The following CD2AP variants were observed in gnomAD, a reference collection of about 807,000 sequenced individuals.
CD2AP encodes CD2-associated protein.
A neutral mutation model predicts 85.1 loss-of-function variants in CD2AP; 46 were observed. The observed-to-expected ratio is 0.54, with a 90% CI of 0.43 to 0.69. CD2AP has a LOEUF of 0.69. CD2AP is among the 30% of genes least tolerant of loss of function. The pLI, the probability that CD2AP is intolerant of heterozygous loss-of-function variation, is 0.00. For missense variants in CD2AP, 769 were observed against 729.5 expected, an observed-to-expected ratio of 1.05 and a Z score of -0.62; for synonymous variants, 255 against 252.9, an observed-to-expected ratio of 1.01 and a Z score of -0.08.
At chr6:47,523,920 G>T (rs1366426365) in intron 2 of CD2AP, among the ~76,000 whole-genome samples, 1 of 152,126 alleles carries the variant, frequency 6.6e-6, no homozygotes, top group Non-Finnish European at 1.5e-5. Flanking sequence ...ATTGTGAAAA[G>T]TACCTTTCTT....
intron 4 of CD2AP, among the ~76,000 whole-genome samples, chr6:47,548,575 A>C (rs1416864287): frequency 6.6e-6 from 1 of 152,140 alleles, no homozygotes; most frequent in Admixed American, 6.6e-5. Flanking sequence ...ATTACCAACA[A>C]CAACAAAAAA....
intron 1 of CD2AP, among the ~76,000 whole-genome samples, chr6:47,487,100 G>A (rs922592720): frequency 4.6e-5 from 7 of 152,158 alleles, no homozygotes; most frequent in Non-Finnish European, 1.0e-4. Flanking sequence ...GACTGTTTTG[G>A]TGTATGTGTG....
At chr6:47,562,872 A>G in intron 5 of CD2AP, 3 of 786,066 alleles carry the variant, frequency 3.8e-6, no homozygotes, top group Non-Finnish European at 6.8e-6. Flanking sequence ...ACAACAAGCA[A>G]CTGTAGGGGA....
At chr6:47,585,321 G>A (rs151252450) in intron 11 of CD2AP, among the ~76,000 whole-genome samples, 925 of 151,906 alleles carry the variant, frequency 6.1e-3, no homozygotes, top group Non-Finnish European at 0.011. Context: ...AAAAAGGAAG[G>A]TGATGCATTT....
Position 47,612,533 on chromosome 6 carries a change from A to G in CD2AP, c.1875A>G (p.Leu625=), listed in dbSNP as rs200255765. 8.7e-6 allele frequency: 14 copies of G among 1,602,282 alleles called. No individual in the cohort carries two copies. In the East Asian group the frequency reaches 3.1e-4, roughly 36 times the overall value. ...AAGAGAAGACAATGAGAAGTAATCT[A>G]GAGGTAATTAATTTCTTCCAGCATT... is the stretch of plus-strand genomic sequence containing the variant. ...LEEEKTMRSN[L]EMEIEKLKKA... is the part of the protein sequence containing the mutation. Residue 625 remains leucine, a synonymous_variant, in exon 17 of 18, where the codon CTA becomes CTG. Transcript: ENST00000359314.
intron 4 of CD2AP, among the ~76,000 whole-genome samples, chr6:47,553,351 G>GT (rs1164649256): frequency 0.042 from 5,830 of 140,472 alleles, 344 homozygotes; most frequent in African/African-American, 0.13. Context: ...TTTAAATTTT[G>GT]TTTTTTTTTT....
intron 5 of CD2AP, chr6:47,562,907 CAGAG>C (rs755054021): frequency 1.5e-6 from 1 of 671,290 alleles, no homozygotes; most frequent in South Asian, 1.7e-5. Flanking sequence ...GTAAAATTGA[CAGAG>C]AGAGAAAACC....
At chr6:47,606,731 T>G (rs1319555008) in intron 14 of CD2AP, among the ~76,000 whole-genome samples, 4 of 152,104 alleles carry the variant, frequency 2.6e-5, no homozygotes, top group Admixed American at 6.6e-5. Flanking sequence ...ATGTGAGATA[T>G]TTTGATACAG....
At chr6:47,559,587 A>C (rs1767796293) in intron 5 of CD2AP, among the ~76,000 whole-genome samples, 1 of 152,140 alleles carries the variant, frequency 6.6e-6, no homozygotes, top group South Asian at 2.1e-4. Context: ...AAGTCAGATA[A>C]TATTTTAAAA....
At chr6:47,493,749 T>C (rs1052338212) in intron 1 of CD2AP, among the ~76,000 whole-genome samples, 1 of 152,152 alleles carries the variant, frequency 6.6e-6, no homozygotes, top group Non-Finnish European at 1.5e-5. Context: ...TTTTTTTGTT[T>C]TTTATAATTC....
intron 1 of CD2AP, among the ~76,000 whole-genome samples, chr6:47,481,237 C>T (rs1189089593): frequency 6.6e-6 from 1 of 152,158 alleles, no homozygotes; most frequent in Non-Finnish European, 1.5e-5. Flanking sequence ...AAGCAGACTT[C>T]TAAGGGCAGA....
At chr6:47,589,659 G>C (rs542221644) in intron 11 of CD2AP, among the ~76,000 whole-genome samples, 1 of 151,162 alleles carries the variant, frequency 6.6e-6, no homozygotes, top group African/African-American at 2.4e-5. Flanking sequence ...AGGGGAAGAG[G>C]AGAGCCCAGT....
chr6:47,491,901 A>T (rs949388036), intron 1 of CD2AP, among the ~76,000 whole-genome samples: 1 of 152,088 alleles, frequency 6.6e-6, no homozygotes, highest in Non-Finnish European at 1.5e-5. Flanking sequence ...AGTTAAGCAA[A>T]ACTTTTTTCT....
At chr6:47,583,840 A>G (rs1409672106) in intron 11 of CD2AP, among the ~76,000 whole-genome samples, 6 of 152,218 alleles carry the variant, frequency 3.9e-5, no homozygotes, top group East Asian at 1.9e-4. Context: ...GCAACTGCCA[A>G]ACTTCTTCCA....
At chr6:47,556,849 A>T (rs1250257928) in intron 5 of CD2AP, among the ~76,000 whole-genome samples, 1 of 152,170 alleles carries the variant, frequency 6.6e-6, no homozygotes, top group African/African-American at 2.4e-5. Context: ...CAGTAATAGG[A>T]TTGCTGGGTC....
At chr6:47,482,242 CTCA>C (rs1765464352) in intron 1 of CD2AP, among the ~76,000 whole-genome samples, 1 of 152,042 alleles carries the variant, frequency 6.6e-6, no homozygotes, top group African/African-American at 2.4e-5. Flanking sequence ...TATTTAAGTA[CTCA>C]TCAGATATTT....
intron 11 of CD2AP, among the ~76,000 whole-genome samples, chr6:47,589,389 C>CACACACACACAT (rs1768714458): frequency 6.6e-6 from 1 of 151,366 alleles, no homozygotes; most frequent in African/African-American, 2.4e-5. Context: ...TACACACACA[C>CACACACACACAT]ACACAAATGT....
chr6:47,543,896 A>G (rs1415850618), intron 3 of CD2AP, among the ~76,000 whole-genome samples: 1 of 152,210 alleles, frequency 6.6e-6, no homozygotes, highest in African/African-American at 2.4e-5. Context: ...CTGGTTTAAG[A>G]AACACACTTT....
chr6:47,485,356 ATG>A (rs1765542023), intron 1 of CD2AP, among the ~76,000 whole-genome samples: 1 of 152,136 alleles, frequency 6.6e-6, no homozygotes, highest in South Asian at 2.1e-4. Flanking sequence ...GCCTAGGCTA[ATG>A]TGTGTTTGTG....
Sources: allele counts gnomAD v4.1 joint callset (sites outside exome capture counted in the v4.1 genomes callset), GRCh38; gene constraint gnomAD v4.1.1; transcripts MANE v1.5; gene names NCBI Gene and HGNC (gene_info 2026-07-23, HGNC 2026-07-21).